The following APBB1IP variants were observed in gnomAD, a reference collection of about 807,000 sequenced individuals.
APBB1IP encodes the protein amyloid beta precursor protein binding family B member 1 interacting protein, also known as amyloid beta A4 precursor protein-binding family B member 1-interacting protein.
APBB1IP carries 27 observed loss-of-function variants against 64.9 expected under a neutral mutation model. The observed-to-expected ratio is 0.42, with a 90% CI of 0.31 to 0.57. The LOEUF is 0.57. Among genes scored for constraint, APBB1IP ranks in the 20% least tolerant of loss-of-function variants. The pLI, the probability that APBB1IP is intolerant of heterozygous loss-of-function variation, is 0.20. For synonymous variants in APBB1IP, 392 were observed against 331.0 expected, an observed-to-expected ratio of 1.18 and a Z score of -2.00; for missense variants, 812 against 845.5, an observed-to-expected ratio of 0.96 and a Z score of 0.49.
At chr10:26,543,919 C>T (rs993823876) in intron 11 of APBB1IP, among the ~76,000 whole-genome samples, 6 of 152,218 alleles carry the variant, frequency 3.9e-5, no homozygotes, top group African/African-American at 9.6e-5. Flanking sequence ...GGGGAGCATG[C>T]CCTGCCTGAT....
chr10:26,533,394 C>T (rs371889716), intron 8 of APBB1IP, 45 bp from the exon 9 acceptor site: 64 of 1,224,954 alleles, frequency 5.2e-5, no homozygotes, highest in East Asian at 7.4e-5. Flanking sequence ...GAGTCTAGTA[C>T]GGTAATGAAC....
chr10:26,443,192 C>T (rs760501924), intron 2 of APBB1IP, among the ~76,000 whole-genome samples: 1 of 152,048 alleles, frequency 6.6e-6, no homozygotes, highest in African/African-American at 2.4e-5. Flanking sequence ...GAGGCTGAGG[C>T]AGGAGGATCA....
At chr10:26,552,613 T>C (rs1197781466) in intron 11 of APBB1IP, among the ~76,000 whole-genome samples, 1 of 130,048 alleles carries the variant, frequency 7.7e-6, no homozygotes, top group Non-Finnish European at 1.7e-5. Flanking sequence ...AAGAAAGGAA[T>C]GAAAGAAAGA....
intron 8 of APBB1IP, among the ~76,000 whole-genome samples, chr10:26,529,860 C>T (rs1836525989): frequency 6.6e-6 from 1 of 152,106 alleles, no homozygotes; most frequent in South Asian, 2.1e-4. Flanking sequence ...AGGCTGGTCT[C>T]GAACTGCTGA....
intron 9 of APBB1IP, 89 bp from the exon 10 acceptor site, chr10:26,535,985 A>C: frequency 7.2e-7 from 1 of 1,397,858 alleles, no homozygotes; most frequent in Non-Finnish European, 9.6e-7. Flanking sequence ...CTTTTAGTTT[A>C]AAAGCTAATT....
intron 8 of APBB1IP, among the ~76,000 whole-genome samples, chr10:26,525,626 C>T (rs1836464562): frequency 6.6e-6 from 1 of 152,120 alleles, no homozygotes; most frequent in Admixed American, 6.5e-5. Context: ...GTGACATTGC[C>T]TGTGTAGGGG....
At chr10:26,481,643 C>G (rs1191372626) in intron 2 of APBB1IP, among the ~76,000 whole-genome samples, 1 of 151,932 alleles carries the variant, frequency 6.6e-6, no homozygotes, top group Non-Finnish European at 1.5e-5. Context: ...CACCACTATG[C>G]CCAGCTAATT....
intron 2 of APBB1IP, among the ~76,000 whole-genome samples, chr10:26,474,561 A>T (rs147521451): frequency 1.0e-3 from 152 of 152,378 alleles, no homozygotes; most frequent in African/African-American, 3.5e-3. Flanking sequence ...TAAGCATTCA[A>T]CAATGTACAC....
intron 11 of APBB1IP, among the ~76,000 whole-genome samples, chr10:26,547,756 A>C (rs553569357): frequency 1.3e-5 from 2 of 152,206 alleles, no homozygotes; most frequent in South Asian, 4.1e-4. Flanking sequence ...GTTTTGGGTC[A>C]TATATTAACT....
intron 11 of APBB1IP, among the ~76,000 whole-genome samples, chr10:26,554,321 A>G (rs899607814): frequency 1.3e-5 from 2 of 152,190 alleles, no homozygotes; most frequent in Non-Finnish European, 2.9e-5. Context: ...TTGGAATCAG[A>G]AGTCCAAAAT....
At chr10:26,457,461 T>G (rs1416960150) in intron 2 of APBB1IP, among the ~76,000 whole-genome samples, 1 of 152,174 alleles carries the variant, frequency 6.6e-6, no homozygotes, top group Non-Finnish European at 1.5e-5. Context: ...TTTGGTATCC[T>G]TTACCCAGAC....
At chr10:26,474,643 T>C (rs962123498) in intron 2 of APBB1IP, among the ~76,000 whole-genome samples, 1 of 152,352 alleles carries the variant, frequency 6.6e-6, no homozygotes, top group Admixed American at 6.5e-5. Context: ...AATAAGTTTT[T>C]TAAAAAGTAA....
intron 10 of APBB1IP, among the ~76,000 whole-genome samples, chr10:26,537,267 G>A (rs1478878469): frequency 6.6e-6 from 1 of 152,038 alleles, no homozygotes; most frequent in Non-Finnish European, 1.5e-5. Flanking sequence ...GTATATTCAT[G>A]CATTGCAATG....
chr10:26,445,941 T>G (rs1033224945), intron 2 of APBB1IP, among the ~76,000 whole-genome samples: 5 of 152,314 alleles, frequency 3.3e-5, no homozygotes, highest in African/African-American at 1.2e-4. Flanking sequence ...GCCAGGGTAA[T>G]AACGAAATAG....
chr10:26,549,502 G>A (rs1396850198), intron 11 of APBB1IP, among the ~76,000 whole-genome samples: 2 of 151,908 alleles, frequency 1.3e-5, no homozygotes, highest in Non-Finnish European at 2.9e-5. Context: ...ACTCATTGTT[G>A]GTCTTTTTAG....
intron 8 of APBB1IP, among the ~76,000 whole-genome samples, chr10:26,531,645 T>C (rs1351212145): frequency 4.6e-5 from 7 of 150,702 alleles, no homozygotes; most frequent in Non-Finnish European, 8.9e-5. Context: ...CCAGCCTGGG[T>C]GACAGAGCGA....
In APBB1IP at chr10:26,511,826, T is replaced by G. The variant is rs769264777; in HGVS notation, c.611T>G (p.Leu204Arg). Reference protein sequence around the residue: ...VDERQLARDVLDNLFEKTHCD... With the variant: ...VDERQLARDVRDNLFEKTHCD... ...GAGCGGCAGCTGGCCCGAGATGTTC[T>G]GGACAACCTTTTCGAGAAAACTCAT... The change falls in exon 7 of 15, where the codon CTG becomes CGG. Residue 204 changes from leucine to arginine, a missense_variant. This residue lies in a region of APBB1IP where 394 missense variants were observed against 413.1 expected (regional missense o/e 0.95). Transcript: ENST00000376236. 3.1e-6 allele frequency: 5 copies of G among 1,614,184 alleles called. No individual in the cohort carries two copies. Among genetic ancestry groups the G allele is most frequent in the Non-Finnish European group, 4.2e-6 (5 of 1,180,042 alleles).
intron 11 of APBB1IP, among the ~76,000 whole-genome samples, chr10:26,550,690 A>T (rs532892320): frequency 6.6e-5 from 10 of 152,252 alleles, no homozygotes; most frequent in African/African-American, 1.9e-4. Flanking sequence ...GAGTTTTGTT[A>T]TAACAGCTAT....
intron 4 of APBB1IP, among the ~76,000 whole-genome samples, chr10:26,498,140 CTTTT>C (rs1009064725): frequency 1.1e-4 from 16 of 152,084 alleles, no homozygotes; most frequent in Non-Finnish European, 1.5e-5. Context: ...TTTTCCTACA[CTTTT>C]TTTATTTGCC....
Sources: gnomAD v4.1 joint callset for allele counts (sites outside exome capture counted in the v4.1 genomes callset) on GRCh38, gnomAD v4.1.1 for gene constraint, gnomAD v4.1.1 regional missense constraint, MANE v1.5 for transcripts, NCBI Gene and HGNC (gene_info 2026-07-23, HGNC 2026-07-21) for gene names.